CFAP54: variants seen among roughly 807,000 people sequenced by gnomAD.
CFAP54 encodes cilia and flagella associated protein 54.
Under a neutral mutation model 370.4 loss-of-function variants are expected in CFAP54, and 290 were observed. That is an observed-to-expected ratio of 0.78 (90% CI 0.71 to 0.86). CFAP54 has a LOEUF of 0.86. Ranked by LOEUF, CFAP54 falls within the 40% of genes least tolerant of loss-of-function variation. The pLI, the probability that CFAP54 is intolerant of heterozygous loss-of-function variation, is 0.00. For synonymous variants in CFAP54, 1,206 were observed against 1,236.5 expected (o/e 0.98, Z 0.52); for missense variants, 3,399 against 3,528.7 (o/e 0.96, Z 0.93).
chr12:96,808,440 G>C (rs1184798947), intron 63 of CFAP54, among the ~76,000 whole-genome samples: 1 of 152,116 alleles, frequency 6.6e-6, no homozygotes, highest in East Asian at 1.9e-4. Flanking sequence ...GAGTACTCAC[G>C]AGACTTCACA....
At chr12:96,491,811 G>C (rs1370461030) in intron 1 of CFAP54, among the ~76,000 whole-genome samples, 1 of 152,170 alleles carries the variant, frequency 6.6e-6, no homozygotes, top group Non-Finnish European at 1.5e-5. Context: ...CCAGGCTGGA[G>C]TGTACTGCTG....
In CFAP54 at chr12:96,580,959, T is replaced by A. The variant is rs1168153390; in HGVS notation, c.2929T>A (p.Leu977Ile). The A allele has an allele frequency of 6.5e-7, 1 of 1,531,920 alleles. No individual in the cohort carries two copies. The highest frequency in any genetic ancestry group is 8.7e-7 in the Non-Finnish European group (1 of 1,144,730). The allele number at this position is 1,531,920 out of a possible 1,614,324, so 94.9% of individuals were successfully genotyped here. Residue 977 changes from leucine (L) to isoleucine (I), a missense_variant, in exon 22 of 68, where the codon TTA (leucine) becomes ATA (isoleucine). Around this residue, in one of 3 missense-constraint regions of CFAP54, gnomAD observed 2,796 missense variants for 2,869.7 expected, o/e 0.97. Transcript: ENST00000524981. ...DGKSVFEVKG[L>I]ETNEKYVFAV... Reference sequence around the variant, plus strand: ...TAAAAGTGTTTTTGAAGTGAAAGGTTTAGAAACCAATGAAAAGTATGTATT... The same window carrying A: ...TAAAAGTGTTTTTGAAGTGAAAGGTATAGAAACCAATGAAAAGTATGTATT...
At chr12:96,695,003 A>G (rs1317118158) in intron 45 of CFAP54, among the ~76,000 whole-genome samples, 4 of 152,134 alleles carry the variant, frequency 2.6e-5, no homozygotes, top group East Asian at 3.9e-4. Context: ...CCTGGGCGAC[A>G]GGGCGAGACT....
At chr12:96,728,603 T>G (rs921708573) in intron 50 of CFAP54, among the ~76,000 whole-genome samples, 1 of 152,228 alleles carries the variant, frequency 6.6e-6, no homozygotes, top group African/African-American at 2.4e-5. Flanking sequence ...AGTTTTCAAC[T>G]TCTTTGCCTT....
At chr12:96,716,954 T>C (rs1339664708) in intron 48 of CFAP54, among the ~76,000 whole-genome samples, 1 of 152,184 alleles carries the variant, frequency 6.6e-6, no homozygotes, top group Admixed American at 6.5e-5. Flanking sequence ...GTTTTGTTGG[T>C]ATCAGCTATG....
Position 96,664,771 on chromosome 12 carries a change from C to CTA in CFAP54, c.5563+843_5563+844dup, listed in dbSNP as rs1326435212. Among the ~76,000 whole-genome samples the CTA allele has an allele frequency of 4.8e-4, 33 of 69,108 alleles. 1 individual carries two copies. The highest frequency in any genetic ancestry group is 4.8e-4 in the Non-Finnish European group (17 of 35,614). The allele number at this position is 69,108 out of a possible 152,430, so 45.3% of individuals were successfully genotyped here. A position where few individuals can be genotyped will look rare whatever the true frequency, so the allele number is the denominator to read the frequency against. ...TATATATATCTATATATATCTATAT[C>CTA]TATATCTATATATATATATATATAT... On this transcript the variant is annotated intron_variant, in intron 39 of 67. Transcript: ENST00000524981.
chr12:96,717,641 G>A (rs1026888253), intron 48 of CFAP54, among the ~76,000 whole-genome samples: 20 of 152,334 alleles, frequency 1.3e-4, no homozygotes, highest in Admixed American at 2.6e-4. Flanking sequence ...GCTTTGGATC[G>A]TGGATGGAGA....
At chr12:96,845,968 A>T (rs1289108579) in intron 66 of CFAP54, among the ~76,000 whole-genome samples, 1 of 152,232 alleles carries the variant, frequency 6.6e-6, no homozygotes, top group Non-Finnish European at 1.5e-5. Context: ...CCCATAGTTC[A>T]GTCACATTCT....
intron 46 of CFAP54, among the ~76,000 whole-genome samples, chr12:96,703,401 T>C (rs1957513154): frequency 6.6e-6 from 1 of 152,176 alleles, no homozygotes; most frequent in Non-Finnish European, 1.5e-5. Context: ...GGCAAAGAGC[T>C]ACAGGTACTT....
intron 26 of CFAP54, among the ~76,000 whole-genome samples, chr12:96,620,786 A>C (rs1440797500): frequency 1.3e-5 from 2 of 152,202 alleles, no homozygotes; most frequent in Non-Finnish European, 2.9e-5. Flanking sequence ...TGCTAGAGCC[A>C]AGGTTTTAAT....
chr12:96,638,239 GTGTATATATA>G (rs1956684190), intron 32 of CFAP54, among the ~76,000 whole-genome samples: 1 of 84,596 alleles, frequency 1.2e-5, no homozygotes, highest in Admixed American at 1.5e-4. Flanking sequence ...GTGTGTGTGT[GTGTATATATA>G]TATATATTTA....
intron 19 of CFAP54, among the ~76,000 whole-genome samples, chr12:96,574,467 A>G (rs1014135431): frequency 2.6e-5 from 4 of 152,104 alleles, no homozygotes; most frequent in Non-Finnish European, 5.9e-5. Flanking sequence ...CTTAGCACTA[A>G]GAGTCCTATT....
intron 13 of CFAP54, among the ~76,000 whole-genome samples, chr12:96,540,536 G>A (rs140117342): frequency 6.6e-6 from 1 of 152,284 alleles, no homozygotes; most frequent in East Asian, 1.9e-4. Context: ...ACTATTCACT[G>A]ATATGTACAA....
At chr12:96,781,545 G>T (rs1958581099) in intron 60 of CFAP54, among the ~76,000 whole-genome samples, 1 of 152,046 alleles carries the variant, frequency 6.6e-6, no homozygotes, top group African/African-American at 2.4e-5. Context: ...TTTGTTATGG[G>T]TATAGAACAG....
chr12:96,521,443 A>G (rs753811238), intron 6 of CFAP54, among the ~76,000 whole-genome samples: 14 of 152,254 alleles, frequency 9.2e-5, no homozygotes, highest in African/African-American at 1.9e-4. Context: ...GTGAACAGTT[A>G]GGTAGATAAT....
chr12:96,525,283 G>A (rs1328178323), intron 8 of CFAP54, among the ~76,000 whole-genome samples: 1 of 150,304 alleles, frequency 6.7e-6, no homozygotes, highest in Non-Finnish European at 1.5e-5. Context: ...TATTTACTAG[G>A]GATTTTAATT....
At chr12:96,645,266 T>C in intron 33 of CFAP54, 1 of 412,044 alleles carries the variant, frequency 2.4e-6, no homozygotes, top group Non-Finnish European at 4.9e-6. Context: ...AGATACAAAA[T>C]CAATGAGCAA....
At chr12:96,709,590 A>G (rs1175627636) in intron 48 of CFAP54, among the ~76,000 whole-genome samples, 1 of 151,978 alleles carries the variant, frequency 6.6e-6, no homozygotes, top group African/African-American at 2.4e-5. Context: ...ATCTATTGGG[A>G]TGATTATGTG....
intron 26 of CFAP54, among the ~76,000 whole-genome samples, chr12:96,612,892 A>C (rs931653705): frequency 1.3e-5 from 2 of 152,332 alleles, no homozygotes; most frequent in African/African-American, 4.8e-5. Flanking sequence ...AGACCTACAA[A>C]GAGACTTAGA....
Sources: allele counts gnomAD v4.1 joint callset (sites outside exome capture counted in the v4.1 genomes callset), GRCh38; gene constraint gnomAD v4.1.1; regional missense constraint gnomAD v4.1.1; transcripts MANE v1.5; gene names NCBI Gene and HGNC (gene_info 2026-07-23, HGNC 2026-07-21).